Variants in ANO3 observed in about 807,000 individuals in gnomAD.
ANO3 encodes the protein anoctamin 3.
A neutral mutation model predicts 144.8 loss-of-function variants in ANO3; 99 were observed. That is an observed-to-expected ratio of 0.68 (90% confidence interval 0.58 to 0.81). ANO3 has a LOEUF of 0.81. Among genes scored for constraint, ANO3 ranks in the 30% least tolerant of loss-of-function variants. ANO3 has a pLI of 0.00. For missense variants in ANO3, 905 were observed against 1,202.2 expected (o/e 0.75, Z 3.66); for synonymous variants, 414 against 392.6 (o/e 1.05, Z -0.64).
intron 1 of ANO3, among the ~76,000 whole-genome samples, chr11:26,404,538 G>A (rs1303383082): frequency 6.6e-6 from 1 of 151,712 alleles, no homozygotes; most frequent in Non-Finnish European, 1.5e-5. Flanking sequence ...ATTAATGCAT[G>A]CAACGTTCCC....
Position 26,542,081 on chromosome 11 carries a change from G to A in ANO3, c.1154+13G>A, listed in dbSNP as rs376095132. ...TGGATTTAATCAGGTACTGCAAATG[G>A]AACAATAATGAAAAGCAAAGTATTC... On this transcript the variant is annotated intron_variant, in intron 11 of 26. Coordinates refer to ENST00000256737, the MANE Select transcript of ANO3 (RefSeq NM_031418.4). 3.1e-6 allele frequency: 5 copies of A among 1,602,578 alleles called. No individual in the cohort carries two copies. In the East Asian group the frequency reaches 1.1e-4, roughly 36 times the overall value.
At chr11:26,282,621 A>G (rs922907482) in intron 1 of ANO3, among the ~76,000 whole-genome samples, 5 of 152,102 alleles carry the variant, frequency 3.3e-5, no homozygotes, top group Admixed American at 3.3e-4. Context: ...ATTTTGTGTC[A>G]TTTTTAAAAA....
intron 1 of ANO3, among the ~76,000 whole-genome samples, chr11:26,404,125 G>C (rs1435935070): frequency 6.6e-6 from 1 of 151,696 alleles, no homozygotes; most frequent in African/African-American, 2.4e-5. Flanking sequence ...GATTGTGACT[G>C]TATTGCTCAT....
intron 1 of ANO3, chr11:26,288,084 C>T (rs1254842945): frequency 6.6e-6 from 1 of 152,574 alleles, no homozygotes; most frequent in South Asian, 2.1e-4. Flanking sequence ...TCAAATGATT[C>T]TGAAAGGCAC....
chr11:26,621,841 G>A (rs1852424919), intron 17 of ANO3, among the ~76,000 whole-genome samples: 1 of 151,994 alleles, frequency 6.6e-6, no homozygotes, highest in Admixed American at 6.6e-5. Context: ...TTAAAGTATA[G>A]GTTCTCCAAC....
At chr11:26,407,613 T>C (rs1857322812) in intron 1 of ANO3, among the ~76,000 whole-genome samples, 1 of 151,870 alleles carries the variant, frequency 6.6e-6, no homozygotes, top group African/African-American at 2.4e-5. Flanking sequence ...CTTGTCATGA[T>C]TTTACTCATA....
rs1853884991 is a variant in ANO3, at chr11:26,661,791, G to A, written c.*1347G>A. 1 of 152,122 alleles carries A rather than the reference G, an allele frequency of 6.6e-6. No homozygotes were observed. The highest frequency in any genetic ancestry group is 2.4e-5 in the African/African-American group (1 of 41,438). The allele number at this position is 152,122 out of a possible 1,614,324, so 9.4% of individuals were successfully genotyped here. On this transcript the variant is annotated 3_prime_UTR_variant, in exon 27 of 27. Transcript: ENST00000256737. ...TTCCACAGACAGATGAGGCAGGAGT[G>A]ATGGGGCACTCAAGAAAGTTCAGAG...
At chr11:26,581,480 G>C (rs973094601) in intron 14 of ANO3, among the ~76,000 whole-genome samples, 2 of 151,924 alleles carry the variant, frequency 1.3e-5, no homozygotes, top group African/African-American at 4.8e-5. Flanking sequence ...CCTGAGGTCA[G>C]GAGTTCGAGA....
intron 17 of ANO3, among the ~76,000 whole-genome samples, chr11:26,607,026 G>A (rs1280555707): frequency 6.6e-6 from 1 of 152,054 alleles, no homozygotes; most frequent in African/African-American, 2.4e-5. Context: ...CTTTGCTTAT[G>A]AAGTATAGTT....
intron 1 of ANO3, among the ~76,000 whole-genome samples, chr11:26,276,224 C>T (rs146982141): frequency 6.3e-4 from 96 of 152,146 alleles, no homozygotes; most frequent in Admixed American, 1.2e-3. Context: ...CCTCAAATAT[C>T]GTTGCATATG....
chr11:26,431,344 G>T (rs1474020919), intron 1 of ANO3, among the ~76,000 whole-genome samples: 3 of 152,210 alleles, frequency 2.0e-5, no homozygotes, highest in African/African-American at 4.8e-5. Flanking sequence ...TATATTACAT[G>T]ATGCTGAGAT....
chr11:26,361,076 C>T (rs1211015373), intron 1 of ANO3, among the ~76,000 whole-genome samples: 4 of 152,134 alleles, frequency 2.6e-5, no homozygotes, highest in Non-Finnish European at 5.9e-5. Context: ...TTCCAGGAGT[C>T]AGGAAAAGCC....
chr11:26,611,499 T>A (rs944266336), intron 17 of ANO3, among the ~76,000 whole-genome samples: 4 of 152,226 alleles, frequency 2.6e-5, no homozygotes, highest in Non-Finnish European at 4.4e-5. Context: ...TCTTCTTAAA[T>A]TTTTTAAGAC....
intron 1 of ANO3, among the ~76,000 whole-genome samples, chr11:26,343,132 GC>G (rs1324213407): frequency 6.6e-6 from 1 of 151,988 alleles, no homozygotes; most frequent in Non-Finnish European, 1.5e-5. Flanking sequence ...AGCTCCACAT[GC>G]CCCCCAATCC....
upstream of ANO3, chr11:26,331,597 A>T (rs1005699933): frequency 2.0e-5 from 3 of 152,174 alleles, no homozygotes; most frequent in African/African-American, 7.2e-5. Flanking sequence ...GTAGGTTATA[A>T]ATGGTCCTCA....
rs1554967702 is a variant in ANO3, at chr11:26,544,273, T to TACAC, written c.1154+2209_1154+2212dup. ...ATACATATATATATATATATATATA[T>TACAC]ACACACATACACACACACACACACA... On this transcript the variant is annotated intron_variant, in intron 11 of 26. Transcript: ENST00000256737. Among the ~76,000 whole-genome samples, 57 of 58,504 alleles carry TACAC rather than the reference T, an allele frequency of 9.7e-4. 1 individual carries two copies. Among genetic ancestry groups the TACAC allele is most frequent in the African/African-American group, 1.3e-3 (26 of 19,830 alleles). The allele number at this position is 58,504 out of a possible 152,430, so 38.4% of individuals were successfully genotyped here. A position where few individuals can be genotyped will look rare whatever the true frequency, so the allele number is the denominator to read the frequency against.
intron 1 of ANO3, among the ~76,000 whole-genome samples, chr11:26,315,954 C>A (rs958647956): frequency 3.3e-5 from 5 of 152,054 alleles, no homozygotes; most frequent in African/African-American, 1.2e-4. Context: ...TTAATTATGC[C>A]AATTATGTCT....
intron 1 of ANO3, among the ~76,000 whole-genome samples, chr11:26,363,370 A>G (rs962966123): frequency 6.6e-6 from 1 of 152,220 alleles, no homozygotes; most frequent in East Asian, 1.9e-4. Flanking sequence ...TATTTCTCAC[A>G]GTTTTGAAGT....
intron 1 of ANO3, among the ~76,000 whole-genome samples, chr11:26,322,669 G>T (rs953561848): frequency 2.0e-5 from 3 of 152,092 alleles, no homozygotes; most frequent in African/African-American, 7.2e-5. Context: ...CACATCATAT[G>T]AAAGGTACAT....
Sources: gnomAD v4.1 joint callset for allele counts (sites outside exome capture counted in the v4.1 genomes callset) on GRCh38, gnomAD v4.1.1 for gene constraint, MANE v1.5 for transcripts, NCBI Gene and HGNC (gene_info 2026-07-23, HGNC 2026-07-21) for gene names.